Variants in MDFIC observed in about 807,000 individuals in gnomAD.
MDFIC encodes MyoD family inhibitor domain containing.
In MDFIC, 17 loss-of-function variants were observed where a neutral mutation model predicts 23.2. The observed-to-expected ratio is 0.73, with a 90% CI of 0.50 to 1.10. The LOEUF (loss-of-function observed/expected upper bound fraction) is 1.10, where lower values mean the gene tolerates loss of function less well. MDFIC is among the 50% of genes least tolerant of loss of function. The probability of loss-of-function intolerance (pLI) is 0.00; values close to 1 mark genes in which losing one functional copy is unlikely to be tolerated. For synonymous variants in MDFIC, 120 were observed against 115.2 expected, an observed-to-expected ratio of 1.04 and a Z score of -0.27; for missense variants, 356 against 316.6, an observed-to-expected ratio of 1.12 and a Z score of -0.95.
At position 114,996,555 on chromosome 7, in the gene MDFIC, G is replaced by A. The variant is rs138056394; in HGVS notation, c.493+16774G>A. ...TGATGTGGAGGAAGTGTTTGGATAAGGGAGTTGGGAGTTCAAAGGAAAGGT... is the reference window on the plus strand; with the variant it reads ...TGATGTGGAGGAAGTGTTTGGATAAAGGAGTTGGGAGTTCAAAGGAAAGGT... On this transcript the variant is annotated intron_variant, in intron 4 of 4. Transcript: ENST00000393486. 2.7e-3 allele frequency among the ~76,000 whole-genome samples: 404 copies of A among 152,288 alleles called. 1 individual carries two copies. The highest frequency in any genetic ancestry group is 9.5e-3 in the African/African-American group (393 of 41,562).
chr7:114,940,798 T>A (rs1792522802), intron 2 of MDFIC, among the ~76,000 whole-genome samples: 1 of 152,188 alleles, frequency 6.6e-6, no homozygotes, highest in Non-Finnish European at 1.5e-5. Context: ...AAAGAATAAA[T>A]TGGTCTCATG....
chr7:114,938,011 A>G (rs1043380561), intron 2 of MDFIC, among the ~76,000 whole-genome samples: 1 of 152,186 alleles, frequency 6.6e-6, no homozygotes, highest in Non-Finnish European at 1.5e-5. Flanking sequence ...GCTGGAGTGC[A>G]GTGGCGTGAT....
chr7:114,945,149 C>T (rs1480934959), intron 3 of MDFIC, among the ~76,000 whole-genome samples: 1 of 152,154 alleles, frequency 6.6e-6, no homozygotes, highest in Non-Finnish European at 1.5e-5. Flanking sequence ...CTTGGCAGCT[C>T]GTGTCTCCGT....
chr7:114,992,853 G>T (rs879988937), intron 4 of MDFIC, among the ~76,000 whole-genome samples: 2 of 152,180 alleles, frequency 1.3e-5, no homozygotes, highest in Non-Finnish European at 2.9e-5. Flanking sequence ...TCAGGATAAT[G>T]CTGGCCTCAT....
At chr7:114,966,021 G>A (rs1793088331) in intron 3 of MDFIC, among the ~76,000 whole-genome samples, 1 of 152,090 alleles carries the variant, frequency 6.6e-6, no homozygotes, top group Non-Finnish European at 1.5e-5. Flanking sequence ...CTTCTAGAGA[G>A]AATGTTTAAA....
At chr7:114,928,982 A>G (rs1792251593) in intron 2 of MDFIC, among the ~76,000 whole-genome samples, 1 of 152,168 alleles carries the variant, frequency 6.6e-6, no homozygotes, top group Admixed American at 6.5e-5. Flanking sequence ...AACTCCTGAG[A>G]CCAAGCACAG....
At chr7:114,923,773 C>A in intron 2 of MDFIC, 1 of 730,694 alleles carries the variant, frequency 1.4e-6, no homozygotes. Context: ...CGAGTTGAAC[C>A]TTTCTTCTCT....
In MDFIC at chr7:114,979,831, T is replaced by C. The variant is rs868056447; in HGVS notation, c.493+50T>C. ...TTATTTGACCAGATGTAAAATAATA[T>C]TTCCTGGTAATTATTTGATCAAGCA... is the stretch of plus-strand genomic sequence containing the variant. On this transcript the variant is annotated intron_variant, in intron 4 of 4. Coordinates refer to ENST00000393486, the MANE Select transcript of MDFIC (RefSeq NM_001166345.3). 2.6e-6 allele frequency: 4 copies of C among 1,565,958 alleles called. No homozygotes were observed. In the Middle Eastern group the frequency reaches 6.7e-4, roughly 263 times the overall value.
intron 3 of MDFIC, among the ~76,000 whole-genome samples, chr7:114,949,037 T>C (rs1007317918): frequency 6.6e-6 from 1 of 152,204 alleles, no homozygotes; most frequent in African/African-American, 2.4e-5. Flanking sequence ...GATAAGAATA[T>C]TTTTAAAGTG....
intron 3 of MDFIC, among the ~76,000 whole-genome samples, chr7:114,975,725 A>G (rs1290275048): frequency 6.6e-6 from 1 of 152,140 alleles, no homozygotes; most frequent in African/African-American, 2.4e-5. Context: ...ATAAGATTCA[A>G]GTCATACCCA....
At chr7:114,922,867 G>T in intron 1 of MDFIC, 60 bp from the exon 2 acceptor site, 1 of 1,506,862 alleles carries the variant, frequency 6.6e-7, no homozygotes, top group Non-Finnish European at 8.9e-7. Context: ...CGTCCCGCAG[G>T]GGTGGTGTGC....
chr7:115,015,768 TG>T lies in MDFIC; in HGVS notation c.575del (p.Cys192LeufsTer85). Reference protein sequence around the residue: ...LCNIVLGQASCGICTSEACCC... With the variant: ...LCNIVLGQASXGICTSEACCC... ...CAACATTGTCCTGGGACAAGCGTCA[TG>T]TGGCATCTGCACCTCAGAAGCCTGC... On this transcript the variant is annotated frameshift_variant, in exon 5 of 5. Coordinates refer to ENST00000393486, the MANE Select transcript of MDFIC (RefSeq NM_001166345.3). LOFTEE classifies it high-confidence loss of function. The T allele has an allele frequency of 6.2e-7, 1 of 1,614,218 alleles. No homozygotes were observed. Among genetic ancestry groups the T allele is most frequent in the Non-Finnish European group, 8.5e-7 (1 of 1,180,038 alleles).
chr7:114,968,727 G>A (rs1393615259), intron 3 of MDFIC, among the ~76,000 whole-genome samples: 1 of 152,120 alleles, frequency 6.6e-6, no homozygotes, highest in Non-Finnish European at 1.5e-5. Flanking sequence ...TGTATTTTAA[G>A]GGAATTTATG....
At chr7:114,960,811 TA>T (rs1299906754) in intron 3 of MDFIC, among the ~76,000 whole-genome samples, 1 of 152,154 alleles carries the variant, frequency 6.6e-6, no homozygotes, top group Non-Finnish European at 1.5e-5. Context: ...TAATACATTT[TA>T]AAAAGGTACA....
chr7:115,016,685 T>TAAAC lies in MDFIC; in HGVS notation c.*755_*758dup, dbSNP rs1554354690. The TAAAC allele has an allele frequency of 8.7e-3, 1,350 of 155,852 alleles. 10 individuals carry two copies. Among genetic ancestry groups the TAAAC allele is most frequent in the African/African-American group, 0.013 (530 of 41,130 alleles). 9.7% of individuals were successfully genotyped at this position (155,852 alleles called of 1,614,324 possible). A position where few individuals can be genotyped will look rare whatever the true frequency, so the allele number is the denominator to read the frequency against. Reference sequence around the variant, plus strand: ...ATAAATAAATAAATAAATAAATAAATAAACAAACCAGTCTTTATTTTAAAA... The same window carrying TAAAC: ...ATAAATAAATAAATAAATAAATAAATAAACAAACAAACCAGTCTTTATTTTAAAA... On this transcript the variant is annotated 3_prime_UTR_variant, in exon 5 of 5. Coordinates refer to ENST00000393486, the MANE Select transcript of MDFIC (RefSeq NM_001166345.3).
intron 4 of MDFIC, among the ~76,000 whole-genome samples, chr7:115,012,986 A>T (rs1356190124): frequency 6.6e-6 from 1 of 152,164 alleles, no homozygotes; most frequent in African/African-American, 2.4e-5. Flanking sequence ...CTCAAAAAAG[A>T]AAAATAAAAA....
At chr7:114,977,624 A>T (rs1793342278) in intron 3 of MDFIC, among the ~76,000 whole-genome samples, 1 of 152,178 alleles carries the variant, frequency 6.6e-6, no homozygotes, top group Non-Finnish European at 1.5e-5. Flanking sequence ...AGAGGAATTT[A>T]CCTAACTCCA....
intron 4 of MDFIC, chr7:115,014,210 T>C (rs1464617536): frequency 1.0e-6 from 1 of 985,264 alleles, no homozygotes; most frequent in Admixed American, 6.2e-5. Flanking sequence ...AGAGGGGTGT[T>C]CAAGGAGTTA....
chr7:114,929,078 A>T (rs377493188), intron 2 of MDFIC, among the ~76,000 whole-genome samples: 3 of 6,018 alleles, frequency 5.0e-4, no homozygotes, highest in Non-Finnish European at 1.2e-3. Flanking sequence ...TCTATAGATA[A>T]ATATAGATCT....
Sources: gnomAD v4.1 joint callset for allele counts (sites outside exome capture counted in the v4.1 genomes callset) on GRCh38, gnomAD v4.1.1 for gene constraint, MANE v1.5 for transcripts, NCBI Gene and HGNC (gene_info 2026-07-23, HGNC 2026-07-21) for gene names.